LRP1B: variants seen among roughly 807,000 people sequenced by gnomAD.
LRP1B encodes the protein LDL receptor related protein 1B.
In LRP1B, 217 loss-of-function variants were observed where a neutral mutation model predicts 556.6. That is an observed-to-expected ratio of 0.39 (90% CI 0.35 to 0.44). The LOEUF (loss-of-function observed/expected upper bound fraction) is 0.44, where lower values mean the gene tolerates loss of function less well. Among genes scored for constraint, LRP1B ranks in the 20% least tolerant of loss-of-function variants. The pLI is 1.00. For synonymous variants in LRP1B, 2,047 were observed against 1,865.8 expected (o/e 1.10, Z -2.50); for missense variants, 5,053 against 5,620.8 (o/e 0.90, Z 3.23).
At chr2:140,489,457 A>G (rs182839483) in intron 57 of LRP1B, among the ~76,000 whole-genome samples, 3 of 152,240 alleles carry the variant, frequency 2.0e-5, no homozygotes, top group Admixed American at 2.0e-4. Flanking sequence ...ATATTCAGTC[A>G]CAGATTCAAA....
At chr2:140,278,446 A>G (rs1292768427) in intron 84 of LRP1B, among the ~76,000 whole-genome samples, 2 of 152,008 alleles carry the variant, frequency 1.3e-5, no homozygotes, top group South Asian at 2.1e-4. Flanking sequence ...TATTTCGCTA[A>G]CTAGGCTAAA....
At chr2:141,097,283 A>G (rs1700346839) in intron 7 of LRP1B, among the ~76,000 whole-genome samples, 1 of 152,182 alleles carries the variant, frequency 6.6e-6, no homozygotes, top group Admixed American at 6.5e-5. Context: ...TTTAAAACAA[A>G]CAAAAATCTC....
At chr2:140,264,088 T>C (rs770805049) in intron 86 of LRP1B, among the ~76,000 whole-genome samples, 9 of 152,188 alleles carry the variant, frequency 5.9e-5, no homozygotes, top group Admixed American at 4.6e-4. Context: ...GCCTTCACAT[T>C]GTCTGTTCAT....
chr2:141,878,133 TAGAA>T (rs1698829502), intron 1 of LRP1B, among the ~76,000 whole-genome samples: 2 of 151,956 alleles, frequency 1.3e-5, no homozygotes, highest in African/African-American at 2.4e-5. Flanking sequence ...TCTTAAAACA[TAGAA>T]AGACTTTTTT....
At chr2:141,375,921 A>AT (rs1476040349) in intron 3 of LRP1B, among the ~76,000 whole-genome samples, 1 of 152,000 alleles carries the variant, frequency 6.6e-6, no homozygotes, top group Non-Finnish European at 1.5e-5. Flanking sequence ...TCAACTCATA[A>AT]TTAAACTCTC....
intron 3 of LRP1B, among the ~76,000 whole-genome samples, chr2:141,339,963 G>A (rs1477966599): frequency 6.6e-6 from 1 of 152,032 alleles, no homozygotes; most frequent in African/African-American, 2.4e-5. Context: ...GTCTCCAGGT[G>A]TCTCTCATTC....
rs565198543 is a variant in LRP1B at position 141,645,150 on chromosome 2, G to A, written c.206-164617C>T. On this transcript the variant is annotated intron_variant, in intron 2 of 90. Transcript: ENST00000389484. ...GTAAGTTATAAAGAAAGTGAGGTCT[G>A]CCCAAATTTGCAGTAGGTTGCCAAG... 7.2e-5 allele frequency among the ~76,000 whole-genome samples: 11 copies of A among 152,178 alleles called. No homozygotes were observed. The South Asian group carries it at 1.5e-3, about 20-fold the overall frequency.
At chr2:140,296,301 C>A (rs1395047086) in intron 84 of LRP1B, among the ~76,000 whole-genome samples, 1 of 152,066 alleles carries the variant, frequency 6.6e-6, no homozygotes, top group African/African-American at 2.4e-5. Context: ...GTTCAATCCC[C>A]AAGATACCTC....
At chr2:140,411,684 T>C (rs1200882347) in intron 66 of LRP1B, among the ~76,000 whole-genome samples, 1 of 152,100 alleles carries the variant, frequency 6.6e-6, no homozygotes, top group Admixed American at 6.6e-5. Flanking sequence ...GACTTCTTTC[T>C]GATTCTCTGT....
At chr2:140,603,812 TA>T (rs1229736834) in intron 41 of LRP1B, among the ~76,000 whole-genome samples, 2 of 152,150 alleles carry the variant, frequency 1.3e-5, no homozygotes, top group African/African-American at 2.4e-5. Context: ...TACTTCTTTC[TA>T]AAAATGATGT....
At chr2:141,774,414 C>T (rs559740602) in intron 2 of LRP1B, among the ~76,000 whole-genome samples, 2 of 152,058 alleles carry the variant, frequency 1.3e-5, no homozygotes, top group African/African-American at 4.8e-5. Context: ...TTTTAAATGG[C>T]CAGATCTTGT....
chr2:140,923,929 A>T (rs1011362593), intron 20 of LRP1B, among the ~76,000 whole-genome samples: 1 of 152,074 alleles, frequency 6.6e-6, no homozygotes, highest in Admixed American at 6.6e-5. Flanking sequence ...ATTGAATTAC[A>T]TGACTAATCT....
intron 3 of LRP1B, among the ~76,000 whole-genome samples, chr2:141,345,348 A>G (rs1688208956): frequency 1.3e-5 from 2 of 152,178 alleles, no homozygotes; most frequent in Admixed American, 1.3e-4. Flanking sequence ...CTGTTATAGC[A>G]GCAAAAGTAA....
chr2:140,957,708 G>A (rs996183541), intron 18 of LRP1B, among the ~76,000 whole-genome samples: 2 of 151,418 alleles, frequency 1.3e-5, no homozygotes, highest in South Asian at 4.1e-4. Context: ...GTGTAGTTTT[G>A]CCTCCAAAGG....
chr2:141,406,215 A>C (rs1690627628), intron 3 of LRP1B, among the ~76,000 whole-genome samples: 2 of 152,234 alleles, frequency 1.3e-5, no homozygotes, highest in South Asian at 4.1e-4. Context: ...AATAAAACAT[A>C]AGCCTTTCTT....
chr2:141,270,804 T>C (rs1168679444), intron 3 of LRP1B, among the ~76,000 whole-genome samples: 2 of 151,916 alleles, frequency 1.3e-5, no homozygotes, highest in Non-Finnish European at 2.9e-5. Flanking sequence ...AAGAATCCAT[T>C]ACTTAATGGA....
At chr2:140,894,531 CAA>C (rs35311528) in intron 23 of LRP1B, among the ~76,000 whole-genome samples, 79,151 of 149,642 alleles carry the variant, frequency 0.53, 22,308 homozygotes, top group Middle Eastern at 0.66. Context: ...CCCTGAAGAC[CAA>C]AAAAAAAATA....
rs548263636 is a variant in LRP1B at position 140,839,174 on chromosome 2, GT to G, written c.5209+816del. Among the ~76,000 whole-genome samples, 14 of 152,228 alleles carry G rather than the reference GT, an allele frequency of 9.2e-5. No homozygotes were observed. The East Asian group carries it at 2.7e-3, about 29-fold the overall frequency. On this transcript the variant is annotated intron_variant, in intron 31 of 90. Transcript: ENST00000389484. ...TAGCATTGTATCAGATATTTCACCA[GT>G]GAAAATAAGAGATTGATTAATTAAA...
rs1691662310 is a variant in LRP1B at position 141,694,496 on chromosome 2, A to G, written c.205+115783T>C. Among the ~76,000 whole-genome samples the G allele has an allele frequency of 2.0e-5, 3 of 152,146 alleles. No individual in the cohort carries two copies. In the South Asian group the frequency reaches 6.2e-4, roughly 32 times the overall value. On this transcript the variant is annotated intron_variant, in intron 2 of 90. Transcript: ENST00000389484. ...TCATCCCAACAATCACTCTTATTTT[A>G]TCGATAGGGAAATTAAATCCCATGG...
Sources: allele counts gnomAD v4.1 joint callset (sites outside exome capture counted in the v4.1 genomes callset), GRCh38; gene constraint gnomAD v4.1.1; transcripts MANE v1.5; gene names NCBI Gene and HGNC (gene_info 2026-07-23, HGNC 2026-07-21).